Variants in SCOC observed in about 807,000 individuals in gnomAD.
The protein encoded by SCOC is short coiled-coil protein.
A neutral mutation model predicts 9.9 loss-of-function variants in SCOC; 7 were observed. The observed-to-expected ratio is 0.71, with a 90% CI of 0.40 to 1.33. SCOC has a LOEUF of 1.33. SCOC is among the 40% of genes most tolerant of loss of function. SCOC has a pLI of 0.01. For missense variants in SCOC, 66 were observed against 89.7 expected, an observed-to-expected ratio of 0.74 and a Z score of 1.07; for synonymous variants, 19 against 28.2, an observed-to-expected ratio of 0.67 and a Z score of 1.03.
chr4:140,284,127 G>C (rs1731164845), intron 1 of SCOC: 1 of 152,092 alleles, frequency 6.6e-6, no homozygotes, highest in Admixed American at 6.6e-5. Flanking sequence ...AAGAGACTGA[G>C]TGAAGGCAAT....
intron 2 of SCOC, among the ~76,000 whole-genome samples, chr4:140,367,220 G>A (rs1006317591): frequency 1.6e-4 from 25 of 151,926 alleles, no homozygotes; most frequent in African/African-American, 5.8e-4. Flanking sequence ...CTGGGTGACA[G>A]AGTAAGACCA....
At chr4:140,286,949 C>T (rs1313475914) in intron 1 of SCOC, among the ~76,000 whole-genome samples, 1 of 152,140 alleles carries the variant, frequency 6.6e-6, no homozygotes, top group Non-Finnish European at 1.5e-5. Flanking sequence ...ACCACACACA[C>T]ACCACGAACA....
At chr4:140,297,762 C>A (rs1731693915) in intron 1 of SCOC, among the ~76,000 whole-genome samples, 1 of 151,948 alleles carries the variant, frequency 6.6e-6, no homozygotes, top group Admixed American at 6.5e-5. Flanking sequence ...ATTCAAACAC[C>A]ATCACAGAGG....
chr4:140,272,809 T>TGGGGAAGGAAGGCGGGGA (rs1480880391), intron 1 of SCOC, among the ~76,000 whole-genome samples: 21 of 151,996 alleles, frequency 1.4e-4, no homozygotes, highest in Non-Finnish European at 4.4e-5. Context: ...TATATTTGGG[T>TGGGGAAGGAAGGCGGGGA]GGGGAAGGAA....
chr4:140,279,031 C>T (rs537456965), intron 1 of SCOC, among the ~76,000 whole-genome samples: 1 of 152,308 alleles, frequency 6.6e-6, no homozygotes, highest in South Asian at 2.1e-4. Context: ...TACCTTTCCA[C>T]CTCATCTTGC....
At chr4:140,321,052 G>A (rs1282780163) in intron 1 of SCOC, among the ~76,000 whole-genome samples, 2 of 152,186 alleles carry the variant, frequency 1.3e-5, no homozygotes, top group African/African-American at 4.8e-5. Flanking sequence ...GTGCAAAGGG[G>A]AGACTCAAAA....
Position 140,366,231 on chromosome 4 carries a change from ACC to A in SCOC, c.71-12889_71-12888del, listed in dbSNP as rs1275217597. ...TAGAACTTTTATTACTTTTCTAATC[ACC>A]TCTTTCTTGCCAAACGCTTTTGGAG... On this transcript the variant is annotated intron_variant, in intron 2 of 4. Coordinates refer to the SCOC transcript ENST00000338517. 1.5e-5 allele frequency: 12 copies of A among 825,816 alleles called. 1 individual carries two copies. The highest frequency in any genetic ancestry group is 1.8e-5 in the Non-Finnish European group (12 of 649,706). The allele number at this position is 825,816 out of a possible 1,614,324, so 51.2% of individuals were successfully genotyped here.
chr4:140,325,004 A>G (rs1008135499), intron 1 of SCOC, among the ~76,000 whole-genome samples: 7 of 152,102 alleles, frequency 4.6e-5, no homozygotes, highest in African/African-American at 1.4e-4. Context: ...TGGAACAGAA[A>G]AGAGAATTCA....
intron 1 of SCOC, among the ~76,000 whole-genome samples, chr4:140,280,960 A>G (rs900265011): frequency 1.3e-5 from 2 of 152,202 alleles, no homozygotes; most frequent in Non-Finnish European, 2.9e-5. Context: ...AATTTCATCT[A>G]TATTGCTACA....
intron 2 of SCOC, among the ~76,000 whole-genome samples, chr4:140,351,306 T>C (rs1726968732): frequency 6.6e-6 from 1 of 152,108 alleles, no homozygotes. Context: ...GACGTCCTCC[T>C]GATAAGGAAG....
At chr4:140,290,816 AAAAC>A (rs573837393) in intron 1 of SCOC, among the ~76,000 whole-genome samples, 9 of 152,312 alleles carry the variant, frequency 5.9e-5, no homozygotes, top group East Asian at 1.9e-4. Flanking sequence ...CTCTGTCTCA[AAAAC>A]AAACAAACAA....
At position 140,284,915 on chromosome 4, in the gene SCOC, CTAAA is replaced by C. The variant is rs1201628033; in HGVS notation, c.-19+27507_-19+27510del. ...ATCTATGTTCTTTGGGAGTAGAAAA[CTAAA>C]TGAATGCATCATTAATGGCTTAGTG... On this transcript the variant is annotated intron_variant, in intron 1 of 4. Transcript: ENST00000394205. The C allele has an allele frequency of 2.9e-5, 6 of 205,474 alleles. No homozygotes were observed. In the East Asian group the frequency reaches 6.2e-4, roughly 21 times the overall value. 12.7% of individuals were successfully genotyped at this position (205,474 alleles called of 1,614,324 possible).
chr4:140,310,709 G>A (rs543670456), intron 1 of SCOC, among the ~76,000 whole-genome samples: 4 of 152,310 alleles, frequency 2.6e-5, no homozygotes, highest in Admixed American at 1.3e-4. Context: ...TAGCTGCCTG[G>A]TGAAGTGGGG....
chr4:140,347,636 G>A (rs1402249714), intron 2 of SCOC, among the ~76,000 whole-genome samples: 1 of 152,012 alleles, frequency 6.6e-6, no homozygotes, highest in African/African-American at 2.4e-5. Context: ...CATTCTCACC[G>A]CCCGTTGCTA....
At chr4:140,332,396 G>T in intron 1 of SCOC, among the ~76,000 whole-genome samples, 1 of 125,094 alleles carries the variant, frequency 8.0e-6, no homozygotes, top group African/African-American at 2.9e-5. Flanking sequence ...TTTTGAGACG[G>T]AGTATTGCTC....
upstream of SCOC, chr4:140,373,408 T>C (rs1359563705): frequency 6.1e-6 from 9 of 1,485,832 alleles, no homozygotes; most frequent in East Asian, 2.5e-5. Flanking sequence ...TTTACTGTCA[T>C]TGGCTGTCGC....
chr4:140,275,415 C>A (rs1730957989), intron 1 of SCOC, among the ~76,000 whole-genome samples: 1 of 152,192 alleles, frequency 6.6e-6, no homozygotes, highest in African/African-American at 2.4e-5. Flanking sequence ...ATAGCCTTTA[C>A]CAAGTTGTAT....
chr4:140,375,437 C>G (rs938768557), intron 1 of SCOC, among the ~76,000 whole-genome samples: 1 of 152,178 alleles, frequency 6.6e-6, no homozygotes, highest in African/African-American at 2.4e-5. Context: ...TAACCTTGCC[C>G]AGGGTTCCAG....
At chr4:140,283,413 A>C (rs546476750) in intron 1 of SCOC, among the ~76,000 whole-genome samples, 1 of 152,312 alleles carries the variant, frequency 6.6e-6, no homozygotes, top group East Asian at 1.9e-4. Flanking sequence ...ACAGGAAAGC[A>C]AATGGAGTCA....
Sources: gnomAD v4.1 joint callset for allele counts (sites outside exome capture counted in the v4.1 genomes callset) on GRCh38, gnomAD v4.1.1 for gene constraint, MANE v1.5 for transcripts, NCBI Gene and HGNC (gene_info 2026-07-23, HGNC 2026-07-21) for gene names.